The following IL3RA variants were observed in gnomAD, a reference collection of about 807,000 sequenced individuals.
The protein encoded by IL3RA is interleukin-3 receptor subunit alpha.
In IL3RA, 73 loss-of-function variants were observed where a neutral mutation model predicts 52.3. That is an observed-to-expected ratio of 1.40 (90% CI 1.16 to 1.70). The LOEUF (loss-of-function observed/expected upper bound fraction) is 1.70. Ranked by LOEUF, IL3RA falls within the 40% of genes most tolerant of loss-of-function variation. The pLI, the probability that IL3RA is intolerant of heterozygous loss-of-function variation, is 0.00. For missense variants in IL3RA, 664 were observed against 504.4 expected (o/e 1.32, Z -3.03); for synonymous variants, 260 against 194.0 (o/e 1.34, Z -2.83).
intron 9 of IL3RA, among the ~76,000 whole-genome samples, chrX:1,368,721 A>T (rs2088387028): frequency 6.6e-6 from 1 of 150,792 alleles, no homozygotes; most frequent in Non-Finnish European, 1.5e-5. Context: ...CAGGGAGAAG[A>T]CGGCGTCTCC....
rs367949193 is a variant in IL3RA, at chrX:1,382,360, C to T, written c.1063-31C>T. On this transcript the variant is annotated intron_variant, in intron 11 of 11. Coordinates refer to ENST00000331035, the MANE Select transcript of IL3RA (RefSeq NM_002183.4). The stretch of plus-strand genomic sequence containing the variant: ...TGGGCTCTGTTATCTGGGGGGTGGC[C>T]GACTCACCCTGCCTCCTCTCGTCTC... 2.1e-5 allele frequency: 34 copies of T among 1,596,978 alleles called. No individual in the cohort carries two copies. In the African/African-American group the frequency reaches 2.3e-4, roughly 11 times the overall value.
chrX:1,378,494 G>A (rs2088953083), intron 9 of IL3RA, among the ~76,000 whole-genome samples, 165 bp from the exon 10 acceptor site: 1 of 152,176 alleles, frequency 6.6e-6, no homozygotes, highest in Admixed American at 6.5e-5. Flanking sequence ...TGGCCCGCAG[G>A]TGGTCACGGT....
At chrX:1,343,666 C>CAAA (rs760518972) in intron 2 of IL3RA, among the ~76,000 whole-genome samples, 19 of 68,654 alleles carry the variant, frequency 2.8e-4, no homozygotes, top group African/African-American at 7.2e-4. Context: ...GGCTCCATCT[C>CAAA]AAAAAAAAAA....
chrX:1,377,872 CAA>C (rs35759027), intron 9 of IL3RA, among the ~76,000 whole-genome samples: 6,759 of 111,828 alleles, frequency 0.06, 243 homozygotes, highest in East Asian at 0.12. Flanking sequence ...GACTCTGTCT[CAA>C]AAAAAAAAAA....
intron 9 of IL3RA, 111 bp from the exon 10 acceptor site, chrX:1,378,548 A>AC: frequency 1.1e-6 from 1 of 916,834 alleles, no homozygotes; most frequent in East Asian, 2.6e-5. Flanking sequence ...CCTGGACGCC[A>AC]CCCCATATGG....
intron 3 of IL3RA, among the ~76,000 whole-genome samples, chrX:1,348,018 C>G (rs1236780939): frequency 1.7e-5 from 2 of 118,306 alleles, no homozygotes; most frequent in Admixed American, 9.8e-5. Flanking sequence ...GCCTGGGCGA[C>G]AGAGCGAGAC....
At chrX:1,353,467 C>T (rs2086288259) in intron 6 of IL3RA, among the ~76,000 whole-genome samples, 1 of 148,258 alleles carries the variant, frequency 6.7e-6, no homozygotes, top group Non-Finnish European at 1.5e-5. Flanking sequence ...ATAGAATTCC[C>T]CATCATGGGT....
chrX:1,358,743 C>G, intron 7 of IL3RA, 118 bp from the exon 8 acceptor site: 8 of 1,055,376 alleles, frequency 7.6e-6, no homozygotes, highest in Non-Finnish European at 1.2e-5. Context: ...GCCCGAAGGC[C>G]TTCCCAGAGC....
At chrX:1,345,146 C>T (rs867672349) in intron 2 of IL3RA, among the ~76,000 whole-genome samples, 170 bp from the exon 3 acceptor site, 30 of 147,862 alleles carry the variant, frequency 2.0e-4, no homozygotes, top group Middle Eastern at 3.6e-3. Context: ...CCAGCCAGGG[C>T]GACAAGAGTG....
Position 1,348,284 on chromosome X carries a change from G to A in IL3RA, c.184-147G>A, listed in dbSNP as rs1223913466. 4 of 676,840 alleles carry A rather than the reference G, an allele frequency of 5.9e-6. No homozygotes were observed. The East Asian group carries it at 1.0e-4, about 17-fold the overall frequency. 41.9% of individuals were successfully genotyped at this position (676,840 alleles called of 1,614,324 possible). A position where few individuals can be genotyped will look rare whatever the true frequency, so the allele number is the denominator to read the frequency against. On this transcript the variant is annotated intron_variant, in intron 3 of 11. Transcript: ENST00000331035. ...AGGAGAATGGCTTGAACCCGGGAGGGAGAGGCTGCAGTGAGCCGAGATCAC... is the reference window on the plus strand; with the variant it reads ...AGGAGAATGGCTTGAACCCGGGAGGAAGAGGCTGCAGTGAGCCGAGATCAC...
chrX:1,348,305 A>G, intron 3 of IL3RA, 126 bp from the exon 4 acceptor site: 3 of 749,680 alleles, frequency 4.0e-6, no homozygotes. Flanking sequence ...GTGAGCCGAG[A>G]TCACGCCACT....
At chrX:1,377,707 C>T (rs752371065) in intron 9 of IL3RA, among the ~76,000 whole-genome samples, 55 of 148,528 alleles carry the variant, frequency 3.7e-4, no homozygotes, top group Non-Finnish European at 2.7e-4. Flanking sequence ...TCTCTATTGC[C>T]CAGGCTGGAG....
chrX:1,381,137 G>A (rs766717393), intron 11 of IL3RA, 33 bp downstream of exon 11: 1 of 1,605,824 alleles, frequency 6.2e-7, no homozygotes, highest in South Asian at 1.1e-5. Context: ...GGACGGGTCT[G>A]GAGGCGTGGT....
chrX:1,343,841 G>C (rs1266447819), intron 2 of IL3RA, among the ~76,000 whole-genome samples: 1 of 147,526 alleles, frequency 6.8e-6, no homozygotes, highest in Non-Finnish European at 1.5e-5. Flanking sequence ...TGTTACCCAG[G>C]CTGGAGTGCA....
In IL3RA at chrX:1,355,110, G is replaced by A. The variant is rs201038745; in HGVS notation, c.617-1111G>A. 6.6e-5 allele frequency among the ~76,000 whole-genome samples: 4 copies of A among 60,438 alleles called. No homozygotes were observed. In the East Asian group the frequency reaches 1.9e-3, roughly 29 times the overall value. The allele number at this position is 60,438 out of a possible 152,430, so 39.6% of individuals were successfully genotyped here. ...GGGGCAGGAGGAAGAAGGAGCGGGA[G>A]GAGAGGAGGAGGAGGAGGAGGAGAA... On this transcript the variant is annotated intron_variant, in intron 6 of 11. Coordinates refer to ENST00000331035, the MANE Select transcript of IL3RA (RefSeq NM_002183.4).
chrX:1,351,668 G>A (rs1196096793), intron 4 of IL3RA, among the ~76,000 whole-genome samples: 4 of 132,220 alleles, frequency 3.0e-5, no homozygotes, highest in Admixed American at 8.0e-5. Flanking sequence ...TCACTCTGTC[G>A]CCCAGGCTGG....
chrX:1,346,361 C>T (rs17882959), intron 3 of IL3RA, among the ~76,000 whole-genome samples: 7,861 of 152,014 alleles, frequency 0.052, 288 homozygotes, highest in Middle Eastern at 0.068. Flanking sequence ...ATCGCTTGAA[C>T]CCGGGAGGCA....
chrX:1,361,320 A>G (rs1170593970), intron 8 of IL3RA, among the ~76,000 whole-genome samples: 2 of 152,104 alleles, frequency 1.3e-5, no homozygotes, highest in Non-Finnish European at 2.9e-5. Context: ...GCTGATAAAC[A>G]TATACCCAAG....
At chrX:1,357,295 ATTAT>A (rs748438609) in intron 7 of IL3RA, among the ~76,000 whole-genome samples, 2,745 of 151,230 alleles carry the variant, frequency 0.018, 31 homozygotes, top group Non-Finnish European at 0.026. Flanking sequence ...ATTGTATTTT[ATTAT>A]TTATTTATTT....
Sources: allele counts gnomAD v4.1 joint callset (sites outside exome capture counted in the v4.1 genomes callset), GRCh38; gene constraint gnomAD v4.1.1; transcripts MANE v1.5; gene names NCBI Gene and HGNC (gene_info 2026-07-23, HGNC 2026-07-21).